The following GRAMD1B variants were observed in gnomAD, a reference collection of about 807,000 sequenced individuals.
GRAMD1B encodes the protein protein Aster-B.
GRAMD1B carries 37 observed loss-of-function variants against 99.7 expected under a neutral mutation model. That is an observed-to-expected ratio of 0.37 (90% CI 0.29 to 0.49). GRAMD1B has a LOEUF of 0.49. Ranked by LOEUF, GRAMD1B falls within the 20% of genes least tolerant of loss-of-function variation. The probability of loss-of-function intolerance (pLI) is 0.98; values close to 1 mark genes in which losing one functional copy is unlikely to be tolerated. For missense variants in GRAMD1B, 888 were observed against 1,009.2 expected (o/e 0.88, Z 1.63); for synonymous variants, 427 against 387.6 (o/e 1.10, Z -1.19).
intron 1 of GRAMD1B, among the ~76,000 whole-genome samples, chr11:123,471,687 T>G (rs2714043): frequency 0.69 from 104,685 of 152,144 alleles, 37,466 homozygotes; most frequent in African/African-American, 0.87. Context: ...AGAGGTAGGC[T>G]TGGGGTGCAC....
Position 123,599,296 on chromosome 11 carries a change from C to T in GRAMD1B, c.970-1172C>T, listed in dbSNP as rs145130916. The T allele has an allele frequency of 8.2e-5, 59 of 723,122 alleles. 1 individual carries two copies. Among genetic ancestry groups the T allele is most frequent in the South Asian group, 2.3e-4 (17 of 74,152 alleles). 44.8% of individuals were successfully genotyped at this position (723,122 alleles called of 1,614,324 possible). On this transcript the variant is annotated intron_variant, in intron 7 of 19. Transcript: ENST00000635736. ...TACAAATCCCTTGGGTTCCCACTGA[C>T]CTCCATATACCTATCTTGCGTGGCC...
intron 4 of GRAMD1B, among the ~76,000 whole-genome samples, chr11:123,593,053 G>A (rs1161075255): frequency 2.6e-5 from 4 of 152,030 alleles, no homozygotes; most frequent in African/African-American, 7.3e-5. Context: ...CCAATATGGC[G>A]AAACCCCATC....
chr11:123,543,198 C>T (rs1214068059), intron 2 of GRAMD1B, among the ~76,000 whole-genome samples: 2 of 152,206 alleles, frequency 1.3e-5, no homozygotes, highest in African/African-American at 4.8e-5. Flanking sequence ...AGAACGCCAA[C>T]CATAGCCTCT....
chr11:123,414,308 G>A (rs1948154950), intron 1 of GRAMD1B, among the ~76,000 whole-genome samples: 1 of 152,152 alleles, frequency 6.6e-6, no homozygotes, highest in African/African-American at 2.4e-5. Context: ...GCCTCCCAAA[G>A]TGTTGGGATT....
intron 2 of GRAMD1B, among the ~76,000 whole-genome samples, chr11:123,547,541 C>T (rs994292577): frequency 5.9e-5 from 9 of 152,174 alleles, no homozygotes; most frequent in African/African-American, 2.2e-4. Flanking sequence ...TTATTTCAAA[C>T]CCAATTATGC....
intron 2 of GRAMD1B, among the ~76,000 whole-genome samples, chr11:123,543,209 C>T (rs915615625): frequency 6.6e-6 from 1 of 152,230 alleles, no homozygotes; most frequent in African/African-American, 2.4e-5. Flanking sequence ...CATAGCCTCT[C>T]TGCCAGCCTT....
intron 2 of GRAMD1B, among the ~76,000 whole-genome samples, chr11:123,499,152 G>A (rs1308029665): frequency 6.6e-6 from 1 of 152,128 alleles, no homozygotes; most frequent in Non-Finnish European, 1.5e-5. Context: ...AAGGCCTCTG[G>A]GAGGTAATTA....
rs139567243 is a variant in GRAMD1B at position 123,544,494 on chromosome 11, T to C, written c.453-32873T>C. On this transcript the variant is annotated intron_variant, in intron 2 of 19. Coordinates refer to ENST00000635736, the MANE Select transcript of GRAMD1B (RefSeq NM_001387025.1). The stretch of plus-strand genomic sequence containing the variant: ...TCTTTTAGTTCATATATGTCTCTCT[T>C]GGAGCATTCACTCCTTGGCCAGTTT... Among the ~76,000 whole-genome samples, 4 of 152,364 alleles carry C rather than the reference T, an allele frequency of 2.6e-5. No individual in the cohort carries two copies. The East Asian group carries it at 7.7e-4, about 29-fold the overall frequency.
At chr11:123,501,842 G>A (rs1306432613) in intron 2 of GRAMD1B, among the ~76,000 whole-genome samples, 3 of 152,164 alleles carry the variant, frequency 2.0e-5, no homozygotes, top group Admixed American at 2.0e-4. Context: ...ATTTTAATTG[G>A]CAAGTTATAT....
At chr11:123,403,791 GCCTTGGCCTC>G (rs1947758491) in intron 1 of GRAMD1B, among the ~76,000 whole-genome samples, 1 of 151,912 alleles carries the variant, frequency 6.6e-6, no homozygotes, top group Admixed American at 6.6e-5. Flanking sequence ...TGATCTGCCC[GCCTTGGCCTC>G]CCAAAGTGCT....
intron 1 of GRAMD1B, among the ~76,000 whole-genome samples, chr11:123,366,696 A>G (rs2135707055): frequency 6.6e-6 from 1 of 152,356 alleles, no homozygotes; most frequent in South Asian, 2.1e-4. Flanking sequence ...TCTGTGGGCA[A>G]TGGAAAGAAG....
intron 1 of GRAMD1B, among the ~76,000 whole-genome samples, chr11:123,400,177 T>C (rs1340480053): frequency 6.6e-6 from 1 of 152,128 alleles, no homozygotes; most frequent in Non-Finnish European, 1.5e-5. Context: ...CCGGATACCT[T>C]ATAAAAAATA....
intron 4 of GRAMD1B, among the ~76,000 whole-genome samples, chr11:123,590,905 G>A (rs985562245): frequency 1.2e-4 from 18 of 152,202 alleles, no homozygotes; most frequent in African/African-American, 4.3e-4. Flanking sequence ...TAAGTGACTG[G>A]CGGGGTTAGA....
rs1940936635 is a variant in GRAMD1B at position 123,510,930 on chromosome 11, G to A, written c.452+30037G>A. 6.6e-6 allele frequency among the ~76,000 whole-genome samples: 1 copy of A among 152,156 alleles called. No homozygotes were observed. Among genetic ancestry groups the A allele is most frequent in the Non-Finnish European group, 1.5e-5 (1 of 68,044 alleles). ...CTTGGTGTGCTTGGAAGTCGGAGTG[G>A]GTGGATGAGGGGTGCAGGGTGGGGG... On this transcript the variant is annotated intron_variant, in intron 2 of 19. Coordinates refer to ENST00000635736, the MANE Select transcript of GRAMD1B (RefSeq NM_001387025.1). This position sits in a 1 kb window ranked among gnomAD's most constrained non-coding sequence, Gnocchi z 4.3.
At chr11:123,454,980 A>G (rs1271175778) in intron 1 of GRAMD1B, among the ~76,000 whole-genome samples, 1 of 152,216 alleles carries the variant, frequency 6.6e-6, no homozygotes, top group Admixed American at 6.5e-5. Context: ...GAAATGCTTT[A>G]ACTTGTTATA....
In GRAMD1B at chr11:123,433,463, G is replaced by A. The variant is rs193253383; in HGVS notation, c.374+2297G>A. Reference sequence around the variant, plus strand: ...AAGAAACTAAAAGAGACCTTCTTTTGATCTTGAGATTCTGCCATATATACT... The same window carrying A: ...AAGAAACTAAAAGAGACCTTCTTTTAATCTTGAGATTCTGCCATATATACT... On this transcript the variant is annotated intron_variant, in intron 1 of 19. Transcript: ENST00000635736. Among the ~76,000 whole-genome samples, 791 of 152,258 alleles carry A rather than the reference G, an allele frequency of 5.2e-3. 23 individuals carry two copies. Among genetic ancestry groups the A allele is most frequent in the Admixed American group, 0.044 (672 of 15,298 alleles).
At chr11:123,427,329 T>A (rs1159453384), upstream of GRAMD1B, among the ~76,000 whole-genome samples, 1 of 152,252 alleles carries the variant, frequency 6.6e-6, no homozygotes, top group Non-Finnish European at 1.5e-5. Flanking sequence ...TCATCATTTA[T>A]CTGTGACCTT....
intron 8 of GRAMD1B, among the ~76,000 whole-genome samples, chr11:123,601,934 G>A (rs1403071948): frequency 6.6e-6 from 1 of 152,242 alleles, no homozygotes; most frequent in Admixed American, 6.5e-5. Flanking sequence ...GCCAAGCCAG[G>A]TGGCGCTGGT....
chr11:123,380,913 C>T (rs1946850547), intron 1 of GRAMD1B, among the ~76,000 whole-genome samples: 1 of 152,176 alleles, frequency 6.6e-6, no homozygotes. Context: ...CCCATATGAG[C>T]TCCCACTCCC....
Sources: allele counts gnomAD v4.1 joint callset (sites outside exome capture counted in the v4.1 genomes callset), GRCh38; gene constraint gnomAD v4.1.1; non-coding constraint Gnocchi (gnomAD v3.1); transcripts MANE v1.5; gene names NCBI Gene and HGNC (gene_info 2026-07-23, HGNC 2026-07-21).